Variants in ZFAND5 observed in about 807,000 individuals in gnomAD.
The protein encoded by ZFAND5 is zinc finger AN1-type containing 5, also known as AN1-type zinc finger protein 5.
In ZFAND5, 4 loss-of-function variants were observed where a neutral mutation model predicts 23.6. The ratio of observed to expected loss-of-function variants is 0.17; its 90% CI spans 0.08 to 0.39. ZFAND5 has a LOEUF of 0.39. ZFAND5 is among the 10% of genes least tolerant of loss of function. ZFAND5 has a pLI of 1.00. For missense variants in ZFAND5, 161 were observed against 253.7 expected (o/e 0.63, Z 2.48); for synonymous variants, 68 against 80.6 (o/e 0.84, Z 0.84).
In ZFAND5 at chr9:72,364,797, G is replaced by A. The variant is rs1842217148; in HGVS notation, c.-248C>T. ...AGGCTGAGCCGGGCGCCCTGGTGCC[G>A]CCGCCGCGGGCCGGGAGCGGGTCGG... is the stretch of plus-strand genomic sequence containing the variant. On this transcript the variant is annotated 5_prime_UTR_variant, in exon 1 of 7. Transcript: ENST00000376962. 4.6e-6 allele frequency: 1 copy of A among 217,480 alleles called. No homozygotes were observed. Among genetic ancestry groups the A allele is most frequent in the Non-Finnish European group, 8.2e-6 (1 of 122,650 alleles). 13.5% of individuals were successfully genotyped at this position (217,480 alleles called of 1,614,324 possible).
chr9:72,356,116 A>T lies in ZFAND5; in HGVS notation c.494-15T>A. 8 of 1,595,076 alleles carry T rather than the reference A, an allele frequency of 5.0e-6. No homozygotes were observed. Among genetic ancestry groups the T allele is most frequent in the Non-Finnish European group, 6.8e-6 (8 of 1,175,614 alleles). ...GCAGTCAAACCCTGTACAAACGAAGAAGTAGAGTCATTTGAGAACTTGAGG... is the reference window on the plus strand; with the variant it reads ...GCAGTCAAACCCTGTACAAACGAAGTAGTAGAGTCATTTGAGAACTTGAGG... On this transcript the variant is annotated splice_polypyrimidine_tract_variant and intron_variant, in intron 6 of 6. Coordinates refer to ENST00000376962, the MANE Select transcript of ZFAND5 (RefSeq NM_001102420.3).
intron 1 of ZFAND5, 48 bp downstream of exon 1, chr9:72,364,647 GC>G: frequency 5.2e-6 from 6 of 1,158,144 alleles, no homozygotes; most frequent in African/African-American, 1.7e-5. Context: ...CCCGCCCCCG[GC>G]CCGGCAACAA....
chr9:72,363,593 C>T lies in ZFAND5; in HGVS notation c.-133G>A. 1 of 977,300 alleles carries T rather than the reference C, an allele frequency of 1.0e-6. No individual in the cohort carries two copies. Among genetic ancestry groups the T allele is most frequent in the South Asian group, 4.7e-5 (1 of 21,088 alleles). 60.5% of individuals were successfully genotyped at this position (977,300 alleles called of 1,614,324 possible). On this transcript the variant is annotated 5_prime_UTR_variant, in exon 2 of 7. Transcript: ENST00000376962. ...ATGGAGTAGAATTGACTTTTAAAGG[C>T]TCCTTTTCAGGGCCTGGGAGATAGA...
Position 72,364,773 on chromosome 9 carries a change from G to A in ZFAND5, c.-224C>T, listed in dbSNP as rs1435722507. On this transcript the variant is annotated 5_prime_UTR_variant, in exon 1 of 7. Transcript: ENST00000376962. ...GAGGCCGGGCCGAGGCCTCCGGGAA[G>A]GCTGAGCCGGGCGCCCTGGTGCCGC... 5.5e-6 allele frequency: 2 copies of A among 362,002 alleles called. No individual in the cohort carries two copies. The highest frequency in any genetic ancestry group is 8.0e-6 in the Non-Finnish European group (2 of 249,740). 22.4% of individuals were successfully genotyped at this position (362,002 alleles called of 1,614,324 possible).
intron 4 of ZFAND5, 28 bp from the exon 5 acceptor site, chr9:72,359,549 A>G: frequency 6.2e-7 from 1 of 1,604,450 alleles, no homozygotes; most frequent in Non-Finnish European, 8.5e-7. Flanking sequence ...AACAATTTTT[A>G]AAGGTGTTAA....
At chr9:72,364,407 G>C (rs961849760) in intron 1 of ZFAND5, 13 of 1,208,994 alleles carry the variant, frequency 1.1e-5, no homozygotes, top group East Asian at 9.0e-5. Flanking sequence ...CCGCGGAGGC[G>C]AGCGGCCTAG....
At position 72,356,990 on chromosome 9, in the gene ZFAND5, T is replaced by C. The variant is rs766361103; in HGVS notation, c.434A>G (p.Glu145Gly). The change falls in exon 6 of 7, where the codon GAA becomes GGA. Residue 145 changes from glutamate to glycine, a missense_variant. Physicochemically the swap from Glu to Gly is moderately conservative, Grantham distance 98. Around this residue, in one of 3 missense-constraint regions of ZFAND5, gnomAD observed 116 missense variants for 115.2 expected, o/e 1.01. Transcript: ENST00000376962. ...STSQSEEKAPELPKPKKNRCF... is the reference protein window; with the variant it reads ...STSQSEEKAPGLPKPKKNRCF... ...TCTGTTTTTCTTTGGTTTGGGCAAT[T>C]CAGGAGCTTTTTCTTCACTCTGAGA... The C allele has an allele frequency of 6.2e-7, 1 of 1,613,728 alleles. No individual in the cohort carries two copies. Among genetic ancestry groups the C allele is most frequent in the Admixed American group, 1.7e-5 (1 of 60,008 alleles).
In ZFAND5 at chr9:72,353,383, A is replaced by C. The variant is rs1434764620; in HGVS notation, c.*2570T>G. Reference sequence around the variant, plus strand: ...AACAAACAAACAAAAAAAAAACAAAAAAAACTGATTGGCCGGGTGCGGTGC... The same window carrying C: ...AACAAACAAACAAAAAAAAAACAAACAAAACTGATTGGCCGGGTGCGGTGC... On this transcript the variant is annotated 3_prime_UTR_variant, in exon 7 of 7. Coordinates refer to ENST00000376962, the MANE Select transcript of ZFAND5 (RefSeq NM_001102420.3). The C allele has an allele frequency of 6.6e-6, 1 of 152,252 alleles. No homozygotes were observed. Among genetic ancestry groups the C allele is most frequent in the Non-Finnish European group, 1.5e-5 (1 of 68,122 alleles). The allele number at this position is 152,252 out of a possible 1,614,324, so 9.4% of individuals were successfully genotyped here. A position where few individuals can be genotyped will look rare whatever the true frequency, so the allele number is the denominator to read the frequency against.
intron 2 of ZFAND5, 43 bp from the exon 3 acceptor site, chr9:72,360,830 A>T (rs756081670): frequency 1.3e-6 from 2 of 1,528,178 alleles, no homozygotes; most frequent in African/African-American, 1.4e-5. Context: ...TTATCACCAA[A>T]ATATAGTCTA....
At position 72,351,426 on chromosome 9, in the gene ZFAND5, A is replaced by G. The variant is rs531986264; in HGVS notation, c.*4527T>C. 6.6e-5 allele frequency: 10 copies of G among 152,334 alleles called. No homozygotes were observed. The highest frequency in any genetic ancestry group is 2.4e-4 in the African/African-American group (10 of 41,578). 9.4% of individuals were successfully genotyped at this position (152,334 alleles called of 1,614,324 possible). On this transcript the variant is annotated 3_prime_UTR_variant, in exon 7 of 7. Transcript: ENST00000376962. ...GTCTTACATTTATGGCACAAAACAA[A>G]ACAAAAAAAGTCTTACATTTATTAA... is the stretch of plus-strand genomic sequence containing the variant.
chr9:72,357,321 G>A (rs868348098), intron 5 of ZFAND5, among the ~76,000 whole-genome samples: 1 of 152,034 alleles, frequency 6.6e-6, no homozygotes, highest in Admixed American at 6.6e-5. Flanking sequence ...TAAAACACTG[G>A]TAACAGCCAG....
At chr9:72,360,830 AAT>A (rs1365993970) in intron 2 of ZFAND5, 43 bp from the exon 3 acceptor site, 3 of 1,528,178 alleles carry the variant, frequency 2.0e-6, no homozygotes, top group Non-Finnish European at 1.8e-6. Flanking sequence ...TTATCACCAA[AAT>A]ATAGTCTAAT....
At chr9:72,358,524 C>T (rs1018814516) in intron 5 of ZFAND5, among the ~76,000 whole-genome samples, 2 of 152,020 alleles carry the variant, frequency 1.3e-5, no homozygotes, top group African/African-American at 4.8e-5. Context: ...AAAACCAAAA[C>T]CAAAAACAAA....
At chr9:72,359,741 T>C (rs1224452963) in intron 4 of ZFAND5, among the ~76,000 whole-genome samples, 1 of 152,186 alleles carries the variant, frequency 6.6e-6, no homozygotes, top group African/African-American at 2.4e-5. Flanking sequence ...TTGTATAGGT[T>C]ACCATATTTT....
intron 1 of ZFAND5, chr9:72,364,411 G>A (rs1587883905): frequency 3.3e-6 from 4 of 1,215,740 alleles, no homozygotes; most frequent in Non-Finnish European, 4.2e-6. Context: ...GGAGGCGAGC[G>A]GCCTAGAGGC....
rs1238331689 is a variant in ZFAND5 at position 72,351,614 on chromosome 9, C to T, written c.*4339G>A. On this transcript the variant is annotated 3_prime_UTR_variant, in exon 7 of 7. Coordinates refer to ENST00000376962, the MANE Select transcript of ZFAND5 (RefSeq NM_001102420.3). ...ACTTTTTTTTTTTTTTTTACATTTG[C>T]TACACGGTATTTATTCAATGACTGT... 3 of 127,286 alleles carry T rather than the reference C, an allele frequency of 2.4e-5. No individual in the cohort carries two copies. Among genetic ancestry groups the T allele is most frequent in the African/African-American group, 8.6e-5 (3 of 34,746 alleles). The allele number at this position is 127,286 out of a possible 1,614,324, so 7.9% of individuals were successfully genotyped here.
intron 6 of ZFAND5, 75 bp downstream of exon 6, chr9:72,356,856 G>C (rs753708002): frequency 1.1e-4 from 165 of 1,468,100 alleles, no homozygotes; most frequent in Non-Finnish European, 1.3e-4. Context: ...AGACCAACTA[G>C]TCTCTTAGGG....
intron 6 of ZFAND5, 50 bp from the exon 7 acceptor site, chr9:72,356,151 GAA>G (rs749608269): frequency 6.4e-7 from 1 of 1,569,390 alleles, no homozygotes; most frequent in Admixed American, 2.2e-5. Flanking sequence ...GCAATTAAAA[GAA>G]AAAAAAGCCT....
chr9:72,351,922 G>C lies in ZFAND5; in HGVS notation c.*4031C>G, dbSNP rs1841783363. On this transcript the variant is annotated 3_prime_UTR_variant, in exon 7 of 7. Coordinates refer to ENST00000376962, the MANE Select transcript of ZFAND5 (RefSeq NM_001102420.3). ...ACATAATCTTATTGCTAATCAACCA[G>C]CAACCATACCTATCACTCTCCAAAA... The C allele has an allele frequency of 6.6e-6, 1 of 152,122 alleles. No individual in the cohort carries two copies. The highest frequency in any genetic ancestry group is 2.1e-4 in the South Asian group (1 of 4,832). 9.4% of individuals were successfully genotyped at this position (152,122 alleles called of 1,614,324 possible). A position where few individuals can be genotyped will look rare whatever the true frequency, so the allele number is the denominator to read the frequency against.
Sources: gnomAD v4.1 joint callset for allele counts (sites outside exome capture counted in the v4.1 genomes callset) on GRCh38, gnomAD v4.1.1 for gene constraint, gnomAD v4.1.1 regional missense constraint, MANE v1.5 for transcripts, NCBI Gene and HGNC (gene_info 2026-07-23, HGNC 2026-07-21) for gene names.